Variants in DLG2 observed in about 807,000 individuals in gnomAD.
The protein encoded by DLG2 is disks large homolog 2.
Under a neutral mutation model 132.5 loss-of-function variants are expected in DLG2, and 45 were observed. The ratio of observed to expected loss-of-function variants is 0.34; its 90% CI spans 0.27 to 0.44. The LOEUF (loss-of-function observed/expected upper bound fraction) is 0.44. Among genes scored for constraint, DLG2 ranks in the 20% least tolerant of loss-of-function variants. DLG2 has a pLI of 1.00. For synonymous variants in DLG2, 424 were observed against 419.6 expected (o/e 1.01, Z -0.13); for missense variants, 1,045 against 1,196.9 (o/e 0.87, Z 1.87).
At chr11:85,033,942 T>C (rs947297290) in intron 6 of DLG2, among the ~76,000 whole-genome samples, 1 of 152,172 alleles carries the variant, frequency 6.6e-6, no homozygotes, top group Non-Finnish European at 1.5e-5. Flanking sequence ...ACAATTGGAA[T>C]ACTAATTTCA....
chr11:85,080,965 A>T (rs1041547996), intron 6 of DLG2, among the ~76,000 whole-genome samples: 3 of 152,186 alleles, frequency 2.0e-5, no homozygotes, highest in African/African-American at 7.2e-5. Flanking sequence ...ACATTTTATT[A>T]AAACTACATT....
intron 10 of DLG2, among the ~76,000 whole-genome samples, chr11:84,094,030 T>C (rs2097134103): frequency 6.6e-6 from 1 of 152,102 alleles, no homozygotes. Flanking sequence ...TGCAGGTTAG[T>C]TACATATGTA....
chr11:83,945,589 T>C (rs2083638845), intron 14 of DLG2, among the ~76,000 whole-genome samples: 1 of 152,210 alleles, frequency 6.6e-6, no homozygotes, highest in South Asian at 2.1e-4. Flanking sequence ...TAATGCTCTG[T>C]CAAAATGCAT....
intron 6 of DLG2, chr11:84,887,236 A>C (rs1231222588): frequency 6.6e-6 from 1 of 152,142 alleles, no homozygotes; most frequent in Non-Finnish European, 1.5e-5. Flanking sequence ...TTGCTCTACA[A>C]ATAGTATACT....
chr11:84,799,410 G>A (rs1218295729), intron 6 of DLG2, among the ~76,000 whole-genome samples: 1 of 152,112 alleles, frequency 6.6e-6, no homozygotes, highest in Non-Finnish European at 1.5e-5. Context: ...TTGGAAGAGG[G>A]GTGGAAGAGG....
rs1327218653 is a variant in DLG2 at position 83,877,991 on chromosome 11, C to T, written c.1497-3503G>A. 3.3e-5 allele frequency among the ~76,000 whole-genome samples: 5 copies of T among 152,284 alleles called. No individual in the cohort carries two copies. The East Asian group carries it at 7.7e-4, about 23-fold the overall frequency. The stretch of plus-strand genomic sequence containing the variant: ...TAGAGTTACCATCGCTAAGAAATTA[C>T]AGGTAACCTTTTCCTGTCTCTTTCA... On this transcript the variant is annotated intron_variant, in intron 15 of 27. Transcript: ENST00000376104.
intron 5 of DLG2, among the ~76,000 whole-genome samples, chr11:85,130,722 T>C (rs2075634280): frequency 6.6e-6 from 1 of 152,184 alleles, no homozygotes; most frequent in South Asian, 2.1e-4. Flanking sequence ...AATTAAAATT[T>C]CCAAATTGTG....
chr11:85,136,013 G>A (rs2076119182), intron 5 of DLG2, among the ~76,000 whole-genome samples: 1 of 152,150 alleles, frequency 6.6e-6, no homozygotes, highest in South Asian at 2.1e-4. Context: ...TAGAAGTTAG[G>A]AGAAAAGAGA....
chr11:83,475,858 C>G (rs550446264), intron 22 of DLG2, among the ~76,000 whole-genome samples: 11 of 152,030 alleles, frequency 7.2e-5, no homozygotes, highest in African/African-American at 2.7e-4. Flanking sequence ...TAACAGCTGA[C>G]AAAAAGGTAC....
chr11:83,537,611 T>A (rs2095915127), intron 20 of DLG2, among the ~76,000 whole-genome samples: 1 of 151,636 alleles, frequency 6.6e-6, no homozygotes, highest in Admixed American at 6.6e-5. Flanking sequence ...GATCAAGAGT[T>A]TGAGACCAGC....
chr11:84,033,036 C>T (rs10792709), intron 11 of DLG2, among the ~76,000 whole-genome samples: 98,422 of 152,096 alleles, frequency 0.65, 34,155 homozygotes, highest in Non-Finnish European at 0.78. Context: ...ACCTAGTCAC[C>T]AAGAGCTCTT....
At chr11:84,481,895 G>A (rs1043102380) in intron 7 of DLG2, among the ~76,000 whole-genome samples, 57 of 152,256 alleles carry the variant, frequency 3.7e-4, no homozygotes, top group Non-Finnish European at 6.6e-4. Context: ...CAAAACTCAG[G>A]ATCAGACAGG....
chr11:84,416,268 T>A (rs1300668679), intron 7 of DLG2, among the ~76,000 whole-genome samples: 1 of 152,212 alleles, frequency 6.6e-6, no homozygotes, highest in African/African-American at 2.4e-5. Flanking sequence ...ATTCAATGCT[T>A]CTTAAGAATT....
chr11:84,502,346 CTT>C (rs1195967853), intron 7 of DLG2, among the ~76,000 whole-genome samples: 4 of 45,186 alleles, frequency 8.9e-5, no homozygotes, highest in South Asian at 1.4e-3. Flanking sequence ...TTCTTTCTTT[CTT>C]TCTTTCTTTC....
chr11:84,821,612 A>G (rs1254831931), intron 6 of DLG2, among the ~76,000 whole-genome samples: 2 of 145,260 alleles, frequency 1.4e-5, no homozygotes, highest in African/African-American at 2.5e-5. Flanking sequence ...TTGCTCACCT[A>G]TGGTTCATAC....
At chr11:84,175,263 C>A (rs915258378) in intron 8 of DLG2, among the ~76,000 whole-genome samples, 4 of 152,082 alleles carry the variant, frequency 2.6e-5, no homozygotes, top group Non-Finnish European at 4.4e-5. Context: ...ATTGTGATTT[C>A]TCTTCCCTGA....
chr11:84,224,034 A>C (rs1334804014), intron 8 of DLG2, among the ~76,000 whole-genome samples: 6 of 152,194 alleles, frequency 3.9e-5, no homozygotes, highest in Non-Finnish European at 5.9e-5. Context: ...AAAGACGTAG[A>C]GGGTGGAGGA....
intron 7 of DLG2, among the ~76,000 whole-genome samples, chr11:84,355,216 T>C (rs1206379277): frequency 6.6e-6 from 1 of 151,988 alleles, no homozygotes; most frequent in Non-Finnish European, 1.5e-5. Context: ...ATGAGCCAAG[T>C]GATGAAGAGA....
At chr11:84,714,009 C>T (rs2060730777) in intron 6 of DLG2, among the ~76,000 whole-genome samples, 1 of 151,944 alleles carries the variant, frequency 6.6e-6, no homozygotes, top group African/African-American at 2.4e-5. Flanking sequence ...TAAAATAAGT[C>T]ATGTATAAAC....
Sources: allele counts gnomAD v4.1 joint callset (sites outside exome capture counted in the v4.1 genomes callset), GRCh38; gene constraint gnomAD v4.1.1; transcripts MANE v1.5; gene names NCBI Gene and HGNC (gene_info 2026-07-23, HGNC 2026-07-21).